NEK11: variants seen among roughly 807,000 people sequenced by gnomAD.
NEK11 encodes serine/threonine-protein kinase Nek11.
A neutral mutation model predicts 80.7 loss-of-function variants in NEK11; 72 were observed. The ratio of observed to expected loss-of-function variants is 0.89; its 90% CI spans 0.74 to 1.08. The LOEUF (loss-of-function observed/expected upper bound fraction) is 1.08. Among genes scored for constraint, NEK11 ranks in the 50% least tolerant of loss-of-function variants. The probability of loss-of-function intolerance (pLI) is 0.00; values close to 1 mark genes in which losing one functional copy is unlikely to be tolerated. For synonymous variants in NEK11, 251 were observed against 260.7 expected, an observed-to-expected ratio of 0.96 and a Z score of 0.36; for missense variants, 764 against 763.6, an observed-to-expected ratio of 1.00 and a Z score of -0.01.
At chr3:131,080,874 T>C (rs1175639000) in intron 4 of NEK11, among the ~76,000 whole-genome samples, 1 of 151,676 alleles carries the variant, frequency 6.6e-6, no homozygotes, top group Non-Finnish European at 1.5e-5. Flanking sequence ...CTTTGGGAGG[T>C]TGAAGTGAGA....
intron 16 of NEK11, among the ~76,000 whole-genome samples, chr3:131,259,065 G>A (rs1164391526): frequency 6.6e-6 from 1 of 152,024 alleles, no homozygotes; most frequent in African/African-American, 2.4e-5. Context: ...TATCAATGAG[G>A]CAACTGAGTC....
At chr3:131,090,666 G>T (rs2076592349) in intron 4 of NEK11, among the ~76,000 whole-genome samples, 1 of 152,154 alleles carries the variant, frequency 6.6e-6, no homozygotes, top group Admixed American at 6.5e-5. Context: ...ACTAAAAACT[G>T]TATTTCTTTG....
At chr3:131,094,373 G>T (rs543258074) in intron 4 of NEK11, among the ~76,000 whole-genome samples, 1 of 152,206 alleles carries the variant, frequency 6.6e-6, no homozygotes, top group South Asian at 2.1e-4. Context: ...TGAGATTCAT[G>T]AGGTGCTATT....
At chr3:131,332,242 A>G (rs1307609323) in intron 17 of NEK11, among the ~76,000 whole-genome samples, 1 of 152,166 alleles carries the variant, frequency 6.6e-6, no homozygotes, top group African/African-American at 2.4e-5. Flanking sequence ...GACACCTCAC[A>G]TGGCCAGGTA....
In NEK11 at chr3:131,089,103, G is replaced by A. The variant is rs186629489; in HGVS notation, c.336+8515G>A. On this transcript the variant is annotated intron_variant, in intron 4 of 17. Transcript: ENST00000383366. ...GAGTTGTTCAAATTTTAGACAAAAT[G>A]TTTCCACTGACAGGCTAAATATTAA... Among the ~76,000 whole-genome samples the A allele has an allele frequency of 2.1e-4, 32 of 152,286 alleles. 1 individual carries two copies. The highest frequency in any genetic ancestry group is 7.5e-4 in the African/African-American group (31 of 41,550).
intron 17 of NEK11, chr3:131,327,200 C>T (rs2096982340): frequency 6.6e-6 from 1 of 152,356 alleles, no homozygotes. Context: ...AGTCTCTGCC[C>T]AGATGGCCCC....
intron 14 of NEK11, among the ~76,000 whole-genome samples, chr3:131,195,591 T>TG (rs748181303): frequency 3.9e-5 from 6 of 151,962 alleles, no homozygotes; most frequent in Admixed American, 1.3e-4. Flanking sequence ...TATTCTTATA[T>TG]TAGCACCCGC....
rs148198729 is a variant in NEK11, at chr3:131,336,467, T to A, written c.1719-13090T>A. 9.9e-3 allele frequency among the ~76,000 whole-genome samples: 1,501 copies of A among 152,196 alleles called. 21 individuals carry two copies. Among genetic ancestry groups the A allele is most frequent in the African/African-American group, 0.032 (1,342 of 41,526 alleles). On this transcript the variant is annotated intron_variant, in intron 17 of 17. Coordinates refer to ENST00000383366, the MANE Select transcript of NEK11 (RefSeq NM_024800.5). The stretch of plus-strand genomic sequence containing the variant: ...CCTTACACCTTATACAAAAATTAAT[T>A]CAAGATGGTTTAAAGACTTAAACAT...
At position 131,125,733 on chromosome 3, in the gene NEK11, C is replaced by G. The variant is rs142372843; in HGVS notation, c.456-7012C>G. Among the ~76,000 whole-genome samples, 308 of 152,242 alleles carry G rather than the reference C, an allele frequency of 2.0e-3. 5 individuals are homozygous for G. The highest frequency in any genetic ancestry group is 0.017 in the Admixed American group (260 of 15,292). On this transcript the variant is annotated intron_variant, in intron 5 of 17. Coordinates refer to ENST00000383366, the MANE Select transcript of NEK11 (RefSeq NM_024800.5). ...GTTTTTTGGATTAATGAATGAGTCC[C>G]ACTAGATAGTATTCATCTTTGTACC... is the stretch of plus-strand genomic sequence containing the variant.
In NEK11 at chr3:131,310,954, T is replaced by G. The variant is rs1390321628; in HGVS notation, c.1718+37380T>G. The stretch of plus-strand genomic sequence containing the variant: ...CATAGACCTCCTTCCTAAGCCATGG[T>G]TAGGAGAGAAGGAAATATCTATTGA... On this transcript the variant is annotated intron_variant, in intron 17 of 17. Coordinates refer to ENST00000383366, the MANE Select transcript of NEK11 (RefSeq NM_024800.5). Among the ~76,000 whole-genome samples the G allele has an allele frequency of 3.3e-5, 5 of 152,196 alleles. No individual in the cohort carries two copies. In the East Asian group the frequency reaches 9.6e-4, roughly 29 times the overall value.
chr3:131,268,693 T>C (rs2096114336), intron 16 of NEK11, among the ~76,000 whole-genome samples: 1 of 152,112 alleles, frequency 6.6e-6, no homozygotes, highest in Non-Finnish European at 1.5e-5. Flanking sequence ...CTCTCCTGTA[T>C]TTGTCTGTCA....
chr3:131,251,004 GGAAA>G (rs1281656830), intron 16 of NEK11, among the ~76,000 whole-genome samples: 2 of 151,736 alleles, frequency 1.3e-5, no homozygotes, highest in Non-Finnish European at 2.9e-5. Context: ...TAACTATATT[GGAAA>G]GATGGAGGGA....
intron 5 of NEK11, among the ~76,000 whole-genome samples, chr3:131,115,964 T>TTCTTTCTTTC (rs1289288084): frequency 1.6e-4 from 23 of 145,258 alleles, no homozygotes; most frequent in Middle Eastern, 3.5e-3. Flanking sequence ...CTTTCTTTCT[T>TTCTTTCTTTC]TCTTTCTTTC....
chr3:131,088,095 G>T (rs2076247695), intron 4 of NEK11: 1 of 152,264 alleles, frequency 6.6e-6, no homozygotes, highest in Admixed American at 6.5e-5. Flanking sequence ...TTTCAGAGTG[G>T]TGGGTCCCAT....
At chr3:131,045,737 A>G (rs1045645163) in intron 3 of NEK11, among the ~76,000 whole-genome samples, 11 of 151,324 alleles carry the variant, frequency 7.3e-5, no homozygotes, top group Admixed American at 2.6e-4. Context: ...GTTGCTGTCT[A>G]TCTCATTTCT....
intron 17 of NEK11, chr3:131,327,057 C>T (rs1561553055): frequency 6.6e-6 from 1 of 152,440 alleles, no homozygotes; most frequent in Non-Finnish European, 1.5e-5. Flanking sequence ...TCTGCTAGCA[C>T]CTTGACCTGG....
chr3:131,293,665 G>A (rs1414430597), intron 17 of NEK11, among the ~76,000 whole-genome samples: 1 of 152,048 alleles, frequency 6.6e-6, no homozygotes, highest in Non-Finnish European at 1.5e-5. Flanking sequence ...AGATTGTAGG[G>A]AATTGTTATA....
rs200367128 is a variant in NEK11 at position 131,203,647 on chromosome 3, TACAC to T, written c.1400-24867_1400-24864del. Reference sequence around the variant, plus strand: ...AATTTTCAAAACGGTGATATTGTGATACACACACACACACACATATATAAAGTAC... The same window carrying T: ...AATTTTCAAAACGGTGATATTGTGATACACACACACACATATATAAAGTAC... On this transcript the variant is annotated intron_variant, in intron 14 of 17. Coordinates refer to ENST00000383366, the MANE Select transcript of NEK11 (RefSeq NM_024800.5). Among the ~76,000 whole-genome samples, 390 of 134,892 alleles carry T rather than the reference TACAC, an allele frequency of 2.9e-3. 7 individuals are homozygous for T. Among genetic ancestry groups the T allele is most frequent in the African/African-American group, 8.8e-3 (330 of 37,558 alleles). 88.5% of individuals were successfully genotyped at this position (134,892 alleles called of 152,430 possible). A position where few individuals can be genotyped will look rare whatever the true frequency, so the allele number is the denominator to read the frequency against.
intron 13 of NEK11, among the ~76,000 whole-genome samples, chr3:131,170,203 GA>G (rs1270406383): frequency 6.6e-6 from 1 of 152,072 alleles, no homozygotes; most frequent in African/African-American, 2.4e-5. Flanking sequence ...AAAACTAAGG[GA>G]AAAAGGCAAA....
Sources: allele counts gnomAD v4.1 joint callset (sites outside exome capture counted in the v4.1 genomes callset), GRCh38; gene constraint gnomAD v4.1.1; transcripts MANE v1.5; gene names NCBI Gene and HGNC (gene_info 2026-07-23, HGNC 2026-07-21).